EPHA6: variants seen among roughly 807,000 people sequenced by gnomAD.
The protein encoded by EPHA6 is ephrin type-A receptor 6.
A neutral mutation model predicts 112.0 loss-of-function variants in EPHA6; 50 were observed. That is an observed-to-expected ratio of 0.45 (90% CI 0.36 to 0.56). The LOEUF is 0.56. Ranked by LOEUF, EPHA6 falls within the 20% of genes least tolerant of loss-of-function variation. EPHA6 has a pLI of 0.00. For missense variants in EPHA6, 1,280 were observed against 1,417.4 expected (o/e 0.90, Z 1.56); for synonymous variants, 529 against 490.7 (o/e 1.08, Z -1.03).
intron 5 of EPHA6, among the ~76,000 whole-genome samples, chr3:97,296,405 GGGTACA>G (rs2080876430): frequency 6.6e-6 from 1 of 152,138 alleles, no homozygotes; most frequent in African/African-American, 2.4e-5. Flanking sequence ...TGATGCGGAT[GGGTACA>G]GGCTAAGGTG....
chr3:97,197,410 G>C (rs1035257956), intron 3 of EPHA6, among the ~76,000 whole-genome samples: 1 of 151,838 alleles, frequency 6.6e-6, no homozygotes, highest in African/African-American at 2.4e-5. Flanking sequence ...CCAAAACTGG[G>C]TCCTTAACTT....
At chr3:97,508,119 A>G (rs2092292417) in intron 10 of EPHA6, among the ~76,000 whole-genome samples, 1 of 151,800 alleles carries the variant, frequency 6.6e-6, no homozygotes, top group Admixed American at 6.6e-5. Flanking sequence ...TGTCCCCTGG[A>G]TTCATTGATT....
intron 11 of EPHA6, among the ~76,000 whole-genome samples, chr3:97,573,148 C>T (rs908321373): frequency 6.6e-6 from 1 of 152,284 alleles, no homozygotes; most frequent in East Asian, 1.9e-4. Flanking sequence ...TTGGTAACAA[C>T]TGTGTCTGCG....
At chr3:97,386,466 A>G (rs1156581490) in intron 5 of EPHA6, among the ~76,000 whole-genome samples, 2 of 152,220 alleles carry the variant, frequency 1.3e-5, no homozygotes, top group Admixed American at 6.5e-5. Context: ...TTAAACCTCA[A>G]AGTTCTAAAA....
chr3:97,668,459 T>A (rs2030395913), intron 14 of EPHA6, among the ~76,000 whole-genome samples: 1 of 152,112 alleles, frequency 6.6e-6, no homozygotes, highest in Non-Finnish European at 1.5e-5. Context: ...GGGATCAGGA[T>A]CCCTCCTTCA....
intron 3 of EPHA6, among the ~76,000 whole-genome samples, chr3:97,010,798 C>T (rs904948764): frequency 5.1e-4 from 77 of 152,150 alleles, no homozygotes; most frequent in Non-Finnish European, 1.5e-4. Context: ...GCTGGGACTA[C>T]AGGCACATGC....
At chr3:97,452,369 T>C (rs1036990187) in intron 7 of EPHA6, among the ~76,000 whole-genome samples, 2 of 151,850 alleles carry the variant, frequency 1.3e-5, no homozygotes, top group Non-Finnish European at 3.0e-5. Context: ...TATAGACAGA[T>C]TGATAGATGG....
In EPHA6 at chr3:97,747,655, C is replaced by T. The variant is rs188735577; in HGVS notation, c.3278+83C>T. ...AAATGCTGTATCAAGAACACCTTTCCTTAGGCTAGTGGGTAATTTCCAAGT... is the reference window on the plus strand; with the variant it reads ...AAATGCTGTATCAAGAACACCTTTCTTTAGGCTAGTGGGTAATTTCCAAGT... On this transcript the variant is annotated intron_variant, in intron 17 of 17. Coordinates refer to ENST00000389672, the MANE Select transcript of EPHA6 (RefSeq NM_001080448.3). 1.6e-4 allele frequency: 197 copies of T among 1,260,524 alleles called. No homozygotes were observed. The African/African-American group carries it at 2.6e-3, about 17-fold the overall frequency. 78.1% of individuals were successfully genotyped at this position (1,260,524 alleles called of 1,614,324 possible). A position where few individuals can be genotyped will look rare whatever the true frequency, so the allele number is the denominator to read the frequency against.
chr3:97,158,957 G>C (rs1373201369), intron 3 of EPHA6, among the ~76,000 whole-genome samples: 2 of 152,202 alleles, frequency 1.3e-5, no homozygotes, highest in East Asian at 1.9e-4. Flanking sequence ...GGAATTAAAA[G>C]GGGGAGGCAG....
intron 5 of EPHA6, among the ~76,000 whole-genome samples, chr3:97,378,660 A>G (rs1490637852): frequency 6.6e-6 from 1 of 152,202 alleles, no homozygotes; most frequent in East Asian, 1.9e-4. Flanking sequence ...TGTGACCTGG[A>G]TGTCAGACCT....
At chr3:97,053,331 G>T (rs1444668875) in intron 3 of EPHA6, among the ~76,000 whole-genome samples, 1 of 152,028 alleles carries the variant, frequency 6.6e-6, no homozygotes, top group Non-Finnish European at 1.5e-5. Flanking sequence ...AGTTCAATTC[G>T]AGCAGAGCTG....
At chr3:97,596,875 AATATATATATATATATAT>A (rs62670860) in intron 12 of EPHA6, among the ~76,000 whole-genome samples, 4 of 100,408 alleles carry the variant, frequency 4.0e-5, no homozygotes, top group African/African-American at 1.1e-4. Context: ...ATATCTATGG[AATATATATATATATATAT>A]ATATATATAT....
chr3:96,936,804 C>T (rs2040610973), intron 2 of EPHA6, among the ~76,000 whole-genome samples: 1 of 152,084 alleles, frequency 6.6e-6, no homozygotes. Context: ...ATTCCCCTTC[C>T]TGTGTCCATG....
intron 3 of EPHA6, among the ~76,000 whole-genome samples, chr3:97,186,833 A>T (rs2077152599): frequency 6.6e-6 from 1 of 152,124 alleles, no homozygotes; most frequent in African/African-American, 2.4e-5. Flanking sequence ...ACACATTAGT[A>T]ACATTATGTT....
At chr3:97,054,269 C>A (rs912113962) in intron 3 of EPHA6, among the ~76,000 whole-genome samples, 1 of 151,892 alleles carries the variant, frequency 6.6e-6, no homozygotes, top group Non-Finnish European at 1.5e-5. Context: ...ATATTTCTTT[C>A]GAATGATTTA....
At chr3:97,086,967 C>T (rs749823985) in intron 3 of EPHA6, among the ~76,000 whole-genome samples, 5 of 152,026 alleles carry the variant, frequency 3.3e-5, no homozygotes, top group Non-Finnish European at 7.4e-5. Flanking sequence ...CTTTTAGTAT[C>T]CCTGCAAAGC....
chr3:97,586,753 G>C (rs1346821059), intron 11 of EPHA6, among the ~76,000 whole-genome samples: 1 of 152,170 alleles, frequency 6.6e-6, no homozygotes, highest in Non-Finnish European at 1.5e-5. Flanking sequence ...CAGACAGACA[G>C]ATAAGGTTTG....
At chr3:97,405,374 GTTC>G (rs1197181655) in intron 6 of EPHA6, 100 bp downstream of exon 6, 3 of 1,084,278 alleles carry the variant, frequency 2.8e-6, no homozygotes, top group Non-Finnish European at 2.6e-6. Context: ...TTTAAACCCT[GTTC>G]TTCTTTGGCC....
intron 5 of EPHA6, among the ~76,000 whole-genome samples, chr3:97,298,032 G>C (rs539584849): frequency 1.1e-4 from 16 of 152,152 alleles, no homozygotes; most frequent in Non-Finnish European, 1.9e-4. Context: ...AAAGTGCTGG[G>C]ATTACAGGCA....
Sources: gnomAD v4.1 joint callset for allele counts (sites outside exome capture counted in the v4.1 genomes callset) on GRCh38, gnomAD v4.1.1 for gene constraint, MANE v1.5 for transcripts, NCBI Gene and HGNC (gene_info 2026-07-23, HGNC 2026-07-21) for gene names.